Variants in RALGAPA1 observed in about 807,000 individuals in gnomAD.
RALGAPA1 encodes ral GTPase-activating protein subunit alpha-1.
RALGAPA1 carries 52 observed loss-of-function variants against 269.6 expected under a neutral mutation model. The observed-to-expected ratio is 0.19, with a 90% CI of 0.15 to 0.24. The LOEUF is 0.24. Ranked by LOEUF, RALGAPA1 falls within the 10% of genes least tolerant of loss-of-function variation. The pLI, the probability that RALGAPA1 is intolerant of heterozygous loss-of-function variation, is 1.00. For missense variants in RALGAPA1, 1,917 were observed against 3,013.9 expected, an observed-to-expected ratio of 0.64 and a Z score of 8.52; for synonymous variants, 817 against 1,008.3, an observed-to-expected ratio of 0.81 and a Z score of 3.60.
Position 35,808,741 on chromosome 14 carries a change from C to T in RALGAPA1, c.95G>A (p.Arg32His). ...CCCTCGCTCCTCACCGATGACGATG[C>T]GCAGGTGCTTGAGGCGAGTCAGTGC... ...KDALTRLKHL[R>H]IVIENAESID... The change falls in exon 1 of 42, where the codon CGC becomes CAC. Residue 32 changes from arginine to histidine, a missense_variant. Physicochemically the swap from Arg to His is conservative, Grantham distance 29. Around this residue, in one of 11 missense-constraint regions of RALGAPA1, gnomAD observed 462 missense variants for 725.6 expected, o/e 0.64. Coordinates refer to ENST00000680220, the MANE Select transcript of RALGAPA1 (RefSeq NM_001346249.2). 6.2e-7 allele frequency: 1 copy of T among 1,612,652 alleles called. No homozygotes were observed. The highest frequency in any genetic ancestry group is 8.5e-7 in the Non-Finnish European group (1 of 1,179,480).
Position 35,659,710 on chromosome 14 carries a change from T to C in RALGAPA1, c.5329-514A>G, listed in dbSNP as rs148316525. 2.2e-3 allele frequency among the ~76,000 whole-genome samples: 330 copies of C among 152,054 alleles called. 1 individual carries two copies. The highest frequency in any genetic ancestry group is 3.2e-3 in the Non-Finnish European group (220 of 67,922). ...TACAGGCCAATATCCTTGATGAATA[T>C]AGATGCAAAAATCCTCAATAAAATA... On this transcript the variant is annotated intron_variant, in intron 27 of 41. Coordinates refer to ENST00000680220, the MANE Select transcript of RALGAPA1 (RefSeq NM_001346249.2).
chr14:35,689,261 A>G lies in RALGAPA1; in HGVS notation c.3150T>C (p.Ser1050=), dbSNP rs2066266799. 1 of 1,232,298 alleles carries G rather than the reference A, an allele frequency of 8.1e-7. No individual in the cohort carries two copies. Among genetic ancestry groups the G allele is most frequent in the Admixed American group, 4.2e-5 (1 of 23,738 alleles). 76.3% of individuals were successfully genotyped at this position (1,232,298 alleles called of 1,614,324 possible). A position where few individuals can be genotyped will look rare whatever the true frequency, so the allele number is the denominator to read the frequency against. Residue 1050 remains serine, a synonymous_variant, in exon 18 of 42, where the codon AGT becomes AGC. Transcript: ENST00000680220. The stretch of plus-strand genomic sequence containing the variant: ...TTTCTTTATCACAAGGGCTATCTAA[A>G]CTAGGCTCTGATGGCTGTTTATCAG... The part of the protein sequence containing the change: ...LNTDKQPSEP[S]LDSPCDKEKR...
At chr14:35,608,988 A>G (rs1249795654) in intron 35 of RALGAPA1, among the ~76,000 whole-genome samples, 1 of 152,234 alleles carries the variant, frequency 6.6e-6, no homozygotes, top group Non-Finnish European at 1.5e-5. Flanking sequence ...GCACTTTGGG[A>G]GGCTGAGGCG....
intron 35 of RALGAPA1, among the ~76,000 whole-genome samples, chr14:35,613,351 G>T (rs181500235): frequency 6.6e-6 from 1 of 151,980 alleles, no homozygotes; most frequent in Non-Finnish European, 1.5e-5. Context: ...CAAAGTGCTG[G>T]GATTACAGGT....
chr14:35,545,360 C>T (rs1284892425), intron 41 of RALGAPA1, among the ~76,000 whole-genome samples: 4 of 151,900 alleles, frequency 2.6e-5, no homozygotes, highest in Non-Finnish European at 4.4e-5. Flanking sequence ...TGCAAATTAA[C>T]AGCACAACTG....
intron 16 of RALGAPA1, among the ~76,000 whole-genome samples, chr14:35,711,304 C>T (rs2068313812): frequency 6.6e-6 from 1 of 151,994 alleles, no homozygotes; most frequent in Non-Finnish European, 1.5e-5. Flanking sequence ...TTTTATATTC[C>T]ACTCTTTACT....
intron 35 of RALGAPA1, among the ~76,000 whole-genome samples, chr14:35,612,541 C>CTTCT (rs778198242): frequency 5.0e-5 from 7 of 139,898 alleles, no homozygotes; most frequent in South Asian, 4.6e-4. Context: ...TCTTCTTCTT[C>CTTCT]TTTTTTTTTT....
At chr14:35,759,648 G>A (rs1400522519) in intron 6 of RALGAPA1, among the ~76,000 whole-genome samples, 1 of 151,416 alleles carries the variant, frequency 6.6e-6, no homozygotes, top group African/African-American at 2.4e-5. Context: ...AGTGGCTCAT[G>A]TCTGTAATCC....
chr14:35,677,461 A>C (rs1438665562), intron 22 of RALGAPA1: 1 of 153,384 alleles, frequency 6.5e-6, no homozygotes, highest in Non-Finnish European at 1.5e-5. Context: ...TTTAACATTT[A>C]CTTGAAAATA....
Position 35,774,446 on chromosome 14 carries a change from T to TA in RALGAPA1, c.267+559dup, listed in dbSNP as rs967729017. On this transcript the variant is annotated intron_variant, in intron 3 of 41. Coordinates refer to ENST00000680220, the MANE Select transcript of RALGAPA1 (RefSeq NM_001346249.2). ...CTTAATTTTTAAGTGTGCTAAAAAT[T>TA]AAAAAAAAAAACTAGCAGAGCATCA... 5.9e-3 allele frequency among the ~76,000 whole-genome samples: 863 copies of TA among 146,480 alleles called. 9 individuals are homozygous for TA. Among genetic ancestry groups the TA allele is most frequent in the African/African-American group, 0.018 (735 of 40,264 alleles).
rs537204568 is a variant in RALGAPA1 at position 35,694,015 on chromosome 14, A to G, written c.2408-4012T>C. 3.3e-5 allele frequency among the ~76,000 whole-genome samples: 5 copies of G among 152,134 alleles called. No homozygotes were observed. The South Asian group carries it at 1.0e-3, about 32-fold the overall frequency. ...GAGGATTTTTGTTTTGTTCATTGCA[A>G]TATCTCTATTGATTGAAAGAGGACC... On this transcript the variant is annotated intron_variant, in intron 17 of 41. Coordinates refer to ENST00000680220, the MANE Select transcript of RALGAPA1 (RefSeq NM_001346249.2).
At chr14:35,641,026 C>T (rs2061992422) in intron 31 of RALGAPA1, among the ~76,000 whole-genome samples, 1 of 152,098 alleles carries the variant, frequency 6.6e-6, no homozygotes, top group African/African-American at 2.4e-5. Flanking sequence ...TGATGAAATT[C>T]AACATCCCTT....
chr14:35,652,346 C>T (rs1011438496), intron 30 of RALGAPA1, among the ~76,000 whole-genome samples: 3 of 148,278 alleles, frequency 2.0e-5, no homozygotes, highest in African/African-American at 5.2e-5. Flanking sequence ...TACTCTATTG[C>T]CTTTCCAGGC....
chr14:35,552,270 T>C (rs745814058), intron 39 of RALGAPA1, among the ~76,000 whole-genome samples: 1 of 152,186 alleles, frequency 6.6e-6, no homozygotes, highest in Non-Finnish European at 1.5e-5. Flanking sequence ...GAGGTGCTTT[T>C]TGTGATTGAG....
intron 1 of RALGAPA1, among the ~76,000 whole-genome samples, chr14:35,783,334 T>C (rs1036551180): frequency 3.3e-5 from 5 of 152,114 alleles, no homozygotes; most frequent in African/African-American, 4.8e-5. Context: ...TTTTAACAAA[T>C]GGTTGACTTT....
intron 36 of RALGAPA1, among the ~76,000 whole-genome samples, chr14:35,604,101 T>C (rs1284039455): frequency 1.3e-5 from 2 of 152,126 alleles, no homozygotes; most frequent in Admixed American, 1.3e-4. Context: ...CAAAATTATA[T>C]GTTCCACATA....
chr14:35,783,364 T>C (rs1300295772), intron 1 of RALGAPA1, among the ~76,000 whole-genome samples: 3 of 152,116 alleles, frequency 2.0e-5, no homozygotes, highest in East Asian at 1.9e-4. Context: ...ATTGAGTTGT[T>C]TGGTACCCTT....
chr14:35,549,078 A>G (rs768874276), intron 40 of RALGAPA1, 32 bp downstream of exon 40: 1 of 1,608,286 alleles, frequency 6.2e-7, no homozygotes, highest in South Asian at 1.1e-5. Context: ...AAGTTCCAAT[A>G]ACAAGTAACT....
intron 32 of RALGAPA1, among the ~76,000 whole-genome samples, chr14:35,634,970 C>T (rs556962081): frequency 3.3e-5 from 5 of 151,984 alleles, no homozygotes; most frequent in Middle Eastern, 3.4e-3. Context: ...TCAGGAGTTC[C>T]AGACCAGCCT....
Sources: allele counts gnomAD v4.1 joint callset (sites outside exome capture counted in the v4.1 genomes callset), GRCh38; gene constraint gnomAD v4.1.1; regional missense constraint gnomAD v4.1.1; transcripts MANE v1.5; gene names NCBI Gene and HGNC (gene_info 2026-07-23, HGNC 2026-07-21).